The following PDE7A variants were observed in gnomAD, a reference collection of about 807,000 sequenced individuals.
The protein encoded by PDE7A is phosphodiesterase 7A, also known as high affinity 3',5'-cyclic-AMP phosphodiesterase 7A.
PDE7A carries 39 observed loss-of-function variants against 64.3 expected under a neutral mutation model. The observed-to-expected ratio is 0.61, with a 90% CI of 0.47 to 0.79. The LOEUF (loss-of-function observed/expected upper bound fraction) is 0.79, where lower values mean the gene tolerates loss of function less well. PDE7A is among the 30% of genes least tolerant of loss of function. PDE7A has a pLI of 0.00. For missense variants in PDE7A, 470 were observed against 582.8 expected, an observed-to-expected ratio of 0.81 and a Z score of 1.99; for synonymous variants, 203 against 206.8, an observed-to-expected ratio of 0.98 and a Z score of 0.16.
In PDE7A at chr8:65,838,299, T is replaced by C. The variant is rs537188916; in HGVS notation, c.138+3072A>G. Among the ~76,000 whole-genome samples, 5 of 152,334 alleles carry C rather than the reference T, an allele frequency of 3.3e-5. 1 individual carries two copies. Among genetic ancestry groups the C allele is most frequent in the African/African-American group, 1.2e-4 (5 of 41,574 alleles). On this transcript the variant is annotated intron_variant, in intron 1 of 12. Transcript: ENST00000401827. ...GCCTTCACAATATTTTTTTTCCAAA[T>C]ATGAATGCTATTCTGAAAGACAAAT...
Position 65,841,814 on chromosome 8 carries a change from C to T in PDE7A, c.-306G>A. On this transcript the variant is annotated 5_prime_UTR_variant, in exon 1 of 13. Coordinates refer to ENST00000401827, the MANE Select transcript of PDE7A (RefSeq NM_001242318.3). ...GGCAAAGTCGGAAAGGGAACCCCGC[C>T]GCCCTGGGGCTCCTCGGCCGAGAGG... The T allele has an allele frequency of 6.5e-6, 1 of 154,220 alleles. No individual in the cohort carries two copies. The highest frequency in any genetic ancestry group is 1.4e-5 in the Non-Finnish European group (1 of 69,846). The allele number at this position is 154,220 out of a possible 1,614,324, so 9.6% of individuals were successfully genotyped here.
At position 65,718,981 on chromosome 8, in the gene PDE7A, A is replaced by C. The variant is rs1806260664; in HGVS notation, c.*309T>G. ...ATTCAAGTTTCACGTTTTGAAGATTAGATGCTTTGAAAAAGTCGTGGCACA... is the reference window on the plus strand; with the variant it reads ...ATTCAAGTTTCACGTTTTGAAGATTCGATGCTTTGAAAAAGTCGTGGCACA... On this transcript the variant is annotated 3_prime_UTR_variant, in exon 13 of 13. Coordinates refer to ENST00000401827, the MANE Select transcript of PDE7A (RefSeq NM_001242318.3). 2.6e-6 allele frequency: 1 copy of C among 377,916 alleles called. No homozygotes were observed. Among genetic ancestry groups the C allele is most frequent in the African/African-American group, 2.0e-5 (1 of 49,228 alleles). The allele number at this position is 377,916 out of a possible 1,614,324, so 23.4% of individuals were successfully genotyped here. A position where few individuals can be genotyped will look rare whatever the true frequency, so the allele number is the denominator to read the frequency against.
In PDE7A at chr8:65,745,984, G is replaced by C. The variant is rs780147549; in HGVS notation, c.436-514C>G. ...TCACTGTCACCAAGGCTGGAATGCA[G>C]TGGCACAAACAAGACGGCTCACTGC... On this transcript the variant is annotated intron_variant, in intron 4 of 12. Transcript: ENST00000401827. Among the ~76,000 whole-genome samples, 10 of 151,954 alleles carry C rather than the reference G, an allele frequency of 6.6e-5. No homozygotes were observed. In the South Asian group the frequency reaches 1.0e-3, roughly 16 times the overall value.
At chr8:65,810,204 G>A (rs1810221631) in intron 1 of PDE7A, among the ~76,000 whole-genome samples, 1 of 152,148 alleles carries the variant, frequency 6.6e-6, no homozygotes, top group Non-Finnish European at 1.5e-5. Flanking sequence ...GTAGCGACAT[G>A]GATGAAGCTG....
At chr8:65,793,460 T>C (rs1172449941) in intron 1 of PDE7A, among the ~76,000 whole-genome samples, 2 of 141,546 alleles carry the variant, frequency 1.4e-5, no homozygotes, top group South Asian at 2.2e-4. Flanking sequence ...TATAAAACAA[T>C]GAAAATAAGT....
At position 65,841,546 on chromosome 8, in the gene PDE7A, TG is replaced by T; in HGVS notation, c.-39del. The T allele has an allele frequency of 7.4e-7, 1 of 1,354,186 alleles. No individual in the cohort carries two copies. Among genetic ancestry groups the T allele is most frequent in the Middle Eastern group, 2.7e-4 (1 of 3,664 alleles). 83.9% of individuals were successfully genotyped at this position (1,354,186 alleles called of 1,614,324 possible). A position where few individuals can be genotyped will look rare whatever the true frequency, so the allele number is the denominator to read the frequency against. On this transcript the variant is annotated 5_prime_UTR_variant, in exon 1 of 13. Coordinates refer to ENST00000401827, the MANE Select transcript of PDE7A (RefSeq NM_001242318.3). ...CCCTGCCTCCGCGCGGCGCCCGCCC[TG>T]CCGCGGCCGCCGGCCCCTGCAGTGG...
intron 1 of PDE7A, among the ~76,000 whole-genome samples, chr8:65,824,724 G>A (rs960978244): frequency 1.3e-5 from 2 of 152,126 alleles, no homozygotes; most frequent in Admixed American, 6.5e-5. Context: ...CAGCAATAAA[G>A]TATTTTTAAA....
intron 11 of PDE7A, 73 bp downstream of exon 11, chr8:65,724,182 A>G: frequency 1.1e-6 from 1 of 892,506 alleles, no homozygotes; most frequent in Non-Finnish European, 1.9e-6. Context: ...TAAATTATTG[A>G]GTTATTTTAT....
intron 1 of PDE7A, among the ~76,000 whole-genome samples, chr8:65,817,607 G>A (rs980700797): frequency 2.6e-5 from 4 of 152,128 alleles, no homozygotes; most frequent in Non-Finnish European, 5.9e-5. Flanking sequence ...CAGGTTTGAT[G>A]AGTACTAGTC....
At chr8:65,723,194 ATTTAT>A (rs1353031719) in intron 12 of PDE7A, 1 of 156,648 alleles carries the variant, frequency 6.4e-6, no homozygotes, top group Non-Finnish European at 1.4e-5. Flanking sequence ...TTTTTATTTT[ATTTAT>A]TTTATTTTTG....
chr8:65,796,772 A>G (rs1294631135), intron 1 of PDE7A, among the ~76,000 whole-genome samples: 1 of 152,176 alleles, frequency 6.6e-6, no homozygotes, highest in East Asian at 1.9e-4. Context: ...TTTTTGCCCT[A>G]AGATCACAAG....
chr8:65,801,421 C>A (rs1156391074), intron 1 of PDE7A, among the ~76,000 whole-genome samples: 1 of 152,108 alleles, frequency 6.6e-6, no homozygotes, highest in Non-Finnish European at 1.5e-5. Flanking sequence ...AGTAATGAAG[C>A]TGGCTTTCAA....
intron 1 of PDE7A, among the ~76,000 whole-genome samples, chr8:65,817,298 C>T (rs1399171054): frequency 6.6e-6 from 1 of 152,124 alleles, no homozygotes; most frequent in African/African-American, 2.4e-5. Context: ...TACTTACATA[C>T]CATATACATA....
At chr8:65,805,072 G>A (rs1810081050) in intron 1 of PDE7A, among the ~76,000 whole-genome samples, 1 of 151,972 alleles carries the variant, frequency 6.6e-6, no homozygotes, top group Non-Finnish European at 1.5e-5. Flanking sequence ...TGGAACTCCT[G>A]GACTCAAGCA....
chr8:65,841,301 G>A, intron 1 of PDE7A, 70 bp downstream of exon 1: 1 of 1,405,812 alleles, frequency 7.1e-7, no homozygotes, highest in South Asian at 1.6e-5. Flanking sequence ...TGTAGAGGAG[G>A]TGAAGCTGGG....
chr8:65,740,687 T>A (rs143172715), intron 5 of PDE7A, among the ~76,000 whole-genome samples: 2 of 152,218 alleles, frequency 1.3e-5, no homozygotes, highest in South Asian at 4.1e-4. Context: ...AGGCGTGAGC[T>A]ACCACGCCTG....
At chr8:65,732,739 C>T (rs1806952368) in intron 7 of PDE7A, among the ~76,000 whole-genome samples, 1 of 152,210 alleles carries the variant, frequency 6.6e-6, no homozygotes, top group Non-Finnish European at 1.5e-5. Flanking sequence ...TCTCAAACTC[C>T]TGGCTTCAAG....
chr8:65,790,706 C>T (rs998389253), intron 1 of PDE7A, among the ~76,000 whole-genome samples: 4 of 152,166 alleles, frequency 2.6e-5, no homozygotes, highest in African/African-American at 9.7e-5. Context: ...CTTCTTGCTA[C>T]AGAACTAACA....
Position 65,756,772 on chromosome 8 carries a change from CT to C in PDE7A, c.284-8970del. 2.0e-5 allele frequency among the ~76,000 whole-genome samples: 3 copies of C among 151,110 alleles called. 1 individual carries two copies. The highest frequency in any genetic ancestry group is 7.3e-5 in the African/African-American group (3 of 41,182). ...CCTCCGGGGTGGTTTATATCAAATTCTTTTTTTTTCCTGTGGGCTATATTTT... is the reference window on the plus strand; with the variant it reads ...CCTCCGGGGTGGTTTATATCAAATTCTTTTTTTTCCTGTGGGCTATATTTT... On this transcript the variant is annotated intron_variant, in intron 3 of 12. Transcript: ENST00000401827.
Sources: allele counts gnomAD v4.1 joint callset (sites outside exome capture counted in the v4.1 genomes callset), GRCh38; gene constraint gnomAD v4.1.1; transcripts MANE v1.5; gene names NCBI Gene and HGNC (gene_info 2026-07-23, HGNC 2026-07-21).